Variants in FLCN observed in about 807,000 individuals in gnomAD.
FLCN encodes the protein BHD skin lesion fibrofolliculoma protein.
FLCN carries 22 observed loss-of-function variants against 62.5 expected under a neutral mutation model. The ratio of observed to expected loss-of-function variants is 0.35; its 90% CI spans 0.25 to 0.50. The LOEUF (loss-of-function observed/expected upper bound fraction) is 0.50, where lower values mean the gene tolerates loss of function less well. Among genes scored for constraint, FLCN ranks in the 20% least tolerant of loss-of-function variants. The probability of loss-of-function intolerance (pLI) is 0.97; values close to 1 mark genes in which losing one functional copy is unlikely to be tolerated. For synonymous variants in FLCN, 319 were observed against 310.0 expected, an observed-to-expected ratio of 1.03 and a Z score of -0.30; for missense variants, 657 against 778.0, an observed-to-expected ratio of 0.84 and a Z score of 1.85.
intron 1 of FLCN, among the ~76,000 whole-genome samples, chr17:17,233,707 C>T (rs1390255623): frequency 1.4e-5 from 2 of 147,192 alleles, no homozygotes; most frequent in African/African-American, 5.0e-5. Flanking sequence ...CTGCAAGTTC[C>T]CATCTTTCCT....
rs563122544 is a variant in FLCN at position 17,221,407 on chromosome 17, C to T, written c.871+130G>A. On this transcript the variant is annotated intron_variant, in intron 8 of 13. Coordinates refer to ENST00000285071, the MANE Select transcript of FLCN (RefSeq NM_144997.7). ...CACCGAGATCGGAGGGTGAGCTTCCCGAAGGCTCGTTCTGGGCTGATTCAG... is the reference window on the plus strand; with the variant it reads ...CACCGAGATCGGAGGGTGAGCTTCCTGAAGGCTCGTTCTGGGCTGATTCAG... 2.5e-6 allele frequency: 4 copies of T among 1,613,696 alleles called. No individual in the cohort carries two copies. The highest frequency in any genetic ancestry group is 3.4e-6 in the Non-Finnish European group (4 of 1,179,828).
At chr17:17,233,598 CAAA>C (rs71152852) in intron 1 of FLCN, among the ~76,000 whole-genome samples, 61 of 75,252 alleles carry the variant, frequency 8.1e-4, no homozygotes, top group East Asian at 1.9e-3. Context: ...GACTCCATCT[CAAA>C]AAAAAAAAAA....
chr17:17,235,013 G>A (rs1386118194), intron 1 of FLCN, among the ~76,000 whole-genome samples: 7 of 151,922 alleles, frequency 4.6e-5, no homozygotes, highest in African/African-American at 1.7e-4. Context: ...TGGGGAGGCC[G>A]AGGGAGGAGA....
In FLCN at chr17:17,214,622, AAAAT is replaced by A. The variant is rs1439704031; in HGVS notation, c.1538+359_1538+362del. ...AAAAAATAAAAAATAAAAATAAAAT[AAAAT>A]AAAAAGCGGGGTGGGGCATGGGTTA... On this transcript the variant is annotated intron_variant, in intron 13 of 13. Coordinates refer to ENST00000285071, the MANE Select transcript of FLCN (RefSeq NM_144997.7). Among the ~76,000 whole-genome samples the A allele has an allele frequency of 4.6e-5, 7 of 152,258 alleles. No homozygotes were observed. The East Asian group carries it at 1.4e-3, about 29-fold the overall frequency.
intron 8 of FLCN, chr17:17,221,285 C>T (rs2144924572): frequency 7.1e-6 from 11 of 1,547,986 alleles, no homozygotes; most frequent in South Asian, 1.2e-5. Context: ...CTACAGACAG[C>T]CCACCTGTGA....
intron 9 of FLCN, among the ~76,000 whole-genome samples, chr17:17,218,191 GACTCGATGTA>G (rs2046980297): frequency 6.6e-6 from 1 of 152,186 alleles, no homozygotes; most frequent in African/African-American, 2.4e-5. Flanking sequence ...CCCGGCATCT[GACTCGATGTA>G]ACTGGAGACA....
chr17:17,223,072 G>C (rs1324113543), intron 6 of FLCN: 4 of 311,686 alleles, frequency 1.3e-5, no homozygotes, highest in Non-Finnish European at 2.5e-5. Context: ...TGCTTCTGGA[G>C]GGCAGAAGGA....
chr17:17,214,826 C>T (rs1367154804), intron 13 of FLCN, among the ~76,000 whole-genome samples, 159 bp downstream of exon 13: 1 of 152,136 alleles, frequency 6.6e-6, no homozygotes, highest in Non-Finnish European at 1.5e-5. Flanking sequence ...CCCGAGGCCA[C>T]CTGAGCTTTG....
intron 3 of FLCN, chr17:17,228,397 G>A: frequency 1.9e-6 from 1 of 518,146 alleles, no homozygotes; most frequent in Non-Finnish European, 3.5e-6. Flanking sequence ...GTGGACCAAT[G>A]ATAGCACAGC....
At chr17:17,225,896 G>T (rs971851604) in intron 5 of FLCN, 1 of 559,230 alleles carries the variant, frequency 1.8e-6, no homozygotes, top group Admixed American at 2.9e-5. Context: ...AAGGAAAAAA[G>T]AAAACAATAA....
chr17:17,227,818 G>A (rs2145036175), intron 4 of FLCN, 71 bp downstream of exon 4: 1 of 1,610,976 alleles, frequency 6.2e-7, no homozygotes, highest in South Asian at 1.1e-5. Context: ...CCCGTCCACT[G>A]CTCTCAGGTC....
chr17:17,224,303 C>T, intron 5 of FLCN, 160 bp from the exon 6 acceptor site: 1 of 675,924 alleles, frequency 1.5e-6, no homozygotes, highest in Non-Finnish European at 2.6e-6. Flanking sequence ...AGACTGTACT[C>T]TTCTGCTCCT....
chr17:17,223,710 C>T (rs1401608409), intron 6 of FLCN, among the ~76,000 whole-genome samples: 1 of 152,232 alleles, frequency 6.6e-6, no homozygotes. Flanking sequence ...ACCAGGACAA[C>T]GGGCACAAGA....
At chr17:17,224,207 T>G in intron 5 of FLCN, 64 bp from the exon 6 acceptor site, 2 of 1,428,544 alleles carry the variant, frequency 1.4e-6, no homozygotes, top group Non-Finnish European at 1.9e-6. Flanking sequence ...TCAAAGCCTC[T>G]TCTTCAGACT....
At chr17:17,215,435 A>C (rs1375656694) in intron 11 of FLCN, 119 bp from the exon 12 acceptor site, 3 of 1,482,644 alleles carry the variant, frequency 2.0e-6, no homozygotes, top group East Asian at 4.5e-5. Context: ...CTGCTGGTGA[A>C]AAGACTGGCC....
rs1209069882 is a variant in FLCN, at chr17:17,215,088, C to A, written c.1435G>T (p.Gly479Cys). 6.2e-7 allele frequency: 1 copy of A among 1,614,092 alleles called. No individual in the cohort carries two copies. Among genetic ancestry groups the A allele is most frequent in the Non-Finnish European group, 8.5e-7 (1 of 1,180,010 alleles). Residue 479 changes from glycine (G) to cysteine (C), a missense_variant and splice_region_variant, in exon 13 of 14, where the codon GGC (glycine) becomes TGC (cysteine). Physicochemically the swap from Gly to Cys is radical, Grantham distance 159. Transcript: ENST00000285071. ...TCAATCTTATTCAGGATGGTGGGGC[C>A]CACTGGGGAGAAGGGCAGGGGCAGA... ...SGSPVAADRVGPTILNKIEAA... is the reference protein window; with the variant it reads ...SGSPVAADRVCPTILNKIEAA...
At chr17:17,214,949 C>A in intron 13 of FLCN, 36 bp downstream of exon 13, 2 of 1,600,556 alleles carry the variant, frequency 1.2e-6, no homozygotes, top group South Asian at 2.2e-5. Flanking sequence ...TCTCCAGGGT[C>A]GCAAGCAAAG....
At chr17:17,221,027 A>T in intron 8 of FLCN, 1 of 595,432 alleles carries the variant, frequency 1.7e-6, no homozygotes. Flanking sequence ...CTTGGCCAAG[A>T]CTGGCCCAGT....
intron 3 of FLCN, chr17:17,229,292 G>A (rs557108066): frequency 6.6e-6 from 1 of 152,608 alleles, no homozygotes; most frequent in Non-Finnish European, 1.5e-5. Flanking sequence ...TGAGGCCAGA[G>A]GGGAGCTCCA....
Sources: gnomAD v4.1 joint callset for allele counts (sites outside exome capture counted in the v4.1 genomes callset) on GRCh38, gnomAD v4.1.1 for gene constraint, MANE v1.5 for transcripts, NCBI Gene and HGNC (gene_info 2026-07-23, HGNC 2026-07-21) for gene names.